GCLC: variants seen among roughly 807,000 people sequenced by gnomAD.
GCLC encodes glutamate-cysteine ligase catalytic subunit.
GCLC carries 30 observed loss-of-function variants against 81.5 expected under a neutral mutation model. The ratio of observed to expected loss-of-function variants is 0.37; its 90% CI spans 0.28 to 0.50. The LOEUF is 0.50. GCLC is among the 20% of genes least tolerant of loss of function. The pLI is 0.96. For synonymous variants in GCLC, 262 were observed against 273.3 expected (o/e 0.96, Z 0.41); for missense variants, 556 against 777.4 (o/e 0.72, Z 3.39).
At position 53,498,182 on chromosome 6, in the gene GCLC, G is replaced by C. The variant is rs1165803346; in HGVS notation, c.*574C>G. ...TATTTATTCAGAGGGGAAAGCTTGG[G>C]GCAAGGTGACCAAGTGATTATTCCA... On this transcript the variant is annotated 3_prime_UTR_variant, in exon 16 of 16. Transcript: ENST00000650454. The C allele has an allele frequency of 1.3e-5, 2 of 151,346 alleles. No homozygotes were observed. Among genetic ancestry groups the C allele is most frequent in the African/African-American group, 4.9e-5 (2 of 40,472 alleles). 9.4% of individuals were successfully genotyped at this position (151,346 alleles called of 1,614,324 possible).
In GCLC at chr6:53,500,482, C is replaced by A. The variant is rs765014293; in HGVS notation, c.1427G>T (p.Arg476Ile). 25 of 1,611,612 alleles carry A rather than the reference C, an allele frequency of 1.6e-5. No homozygotes were observed. The Admixed American group carries it at 4.0e-4, about 26-fold the overall frequency. The change falls in exon 13 of 16, where the codon AGA becomes ATA. Residue 476 changes from arginine (R) to isoleucine (I), a missense_variant. Transcript: ENST00000650454. ...AAACATTCCCTGCAAGACAGCATCT[C>A]TTTTCTGTGCTACCTTCATGTTCTC... is the stretch of plus-strand genomic sequence containing the variant. ...VDENMKVAQK[R>I]DAVLQGMFYF...
At chr6:53,527,842 A>T (rs973222469) in intron 1 of GCLC, among the ~76,000 whole-genome samples, 1 of 152,150 alleles carries the variant, frequency 6.6e-6, no homozygotes, top group Non-Finnish European at 1.5e-5. Context: ...CTCCCATAGG[A>T]TCCCGTCCCC....
chr6:53,540,705 A>ACAC (rs58342057), intron 1 of GCLC, among the ~76,000 whole-genome samples: 29 of 150,798 alleles, frequency 1.9e-4, no homozygotes, highest in African/African-American at 6.1e-4. Context: ...ACACACACAC[A>ACAC]AAAGTCCTGG....
Position 53,544,543 on chromosome 6 carries a change from G to A in GCLC, c.103C>T (p.His35Tyr). ...HGILQFLHIYHAVKDRHKDVL... is the reference protein window; with the variant it reads ...HGILQFLHIYYAVKDRHKDVL... ...TCCTTGTGCCGGTCCTTGACGGCGT[G>A]GTAGATGTGCAGGAACTGGAGGATC... The change falls in exon 1 of 16, where the codon CAC (histidine) becomes TAC (tyrosine). Residue 35 changes from histidine to tyrosine, a missense_variant. His to Tyr is a moderately conservative substitution (Grantham distance 83). Transcript: ENST00000650454. The A allele has an allele frequency of 1.2e-6, 2 of 1,608,910 alleles. No homozygotes were observed. The highest frequency in any genetic ancestry group is 1.1e-5 in the South Asian group (1 of 91,082).
chr6:53,528,572 A>T (rs1256218228), intron 1 of GCLC, among the ~76,000 whole-genome samples: 1 of 152,238 alleles, frequency 6.6e-6, no homozygotes, highest in East Asian at 1.9e-4. Context: ...AGCTGTATCA[A>T]ATTCTGCTAA....
chr6:53,524,892 T>C (rs753486801), intron 1 of GCLC, among the ~76,000 whole-genome samples: 2 of 152,166 alleles, frequency 1.3e-5, no homozygotes. Context: ...GTTTAAAACA[T>C]GGGTAGGGCA....
intron 1 of GCLC, among the ~76,000 whole-genome samples, chr6:53,526,234 C>G (rs1016386891): frequency 3.3e-5 from 5 of 152,110 alleles, no homozygotes; most frequent in Non-Finnish European, 2.9e-5. Context: ...CAGGTTTAAA[C>G]AAGGGTGAGG....
rs373903653 is a variant in GCLC at position 53,505,758 on chromosome 6, G to A, written c.1290+45C>T. The stretch of plus-strand genomic sequence containing the variant: ...ATCAGAAGGGTGATGAACAGCTGGC[G>A]AAAGAGTACTTTTGAGTCAGTTCTT... On this transcript the variant is annotated intron_variant, in intron 11 of 15. Coordinates refer to ENST00000650454, the MANE Select transcript of GCLC (RefSeq NM_001498.4). 45 of 1,113,404 alleles carry A rather than the reference G, an allele frequency of 4.0e-5. 1 individual carries two copies. The highest frequency in any genetic ancestry group is 3.5e-4 in the South Asian group (28 of 81,018). The allele number at this position is 1,113,404 out of a possible 1,614,324, so 69.0% of individuals were successfully genotyped here. A position where few individuals can be genotyped will look rare whatever the true frequency, so the allele number is the denominator to read the frequency against.
intron 12 of GCLC, among the ~76,000 whole-genome samples, chr6:53,504,609 C>T (rs1212866809): frequency 6.6e-6 from 1 of 152,112 alleles, no homozygotes; most frequent in African/African-American, 2.4e-5. Context: ...GAGGAGCAGG[C>T]AGGGATGGGC....
At chr6:53,533,450 C>T (rs993941128) in intron 1 of GCLC, among the ~76,000 whole-genome samples, 12 of 152,156 alleles carry the variant, frequency 7.9e-5, no homozygotes, top group Admixed American at 7.2e-4. Context: ...ATCATTCTTC[C>T]TACACACAGC....
At position 53,520,111 on chromosome 6, in the gene GCLC, A is replaced by G. The variant is rs138791893; in HGVS notation, c.446+667T>C. On this transcript the variant is annotated intron_variant, in intron 3 of 15. Transcript: ENST00000650454. ...TTTTGGCAGAAATGTATTTTTACAT[A>G]GAGGTTCTATGTATAATACATATGA... 3.6e-3 allele frequency among the ~76,000 whole-genome samples: 542 copies of G among 152,344 alleles called. 5 individuals carry two copies. The highest frequency in any genetic ancestry group is 0.013 in the African/African-American group (521 of 41,578).
At chr6:53,535,170 C>T (rs185982456) in intron 1 of GCLC, among the ~76,000 whole-genome samples, 1 of 152,192 alleles carries the variant, frequency 6.6e-6, no homozygotes, top group East Asian at 1.9e-4. Context: ...TTTGTTTGAG[C>T]CCAAGAGTTC....
At chr6:53,513,778 T>C (rs1764803709) in intron 6 of GCLC, 1 of 204,252 alleles carries the variant, frequency 4.9e-6, no homozygotes, top group African/African-American at 2.4e-5. Flanking sequence ...TAGACAGCTT[T>C]GCACAAATCC....
At position 53,517,249 on chromosome 6, in the gene GCLC, G is replaced by GTTTT. The variant is rs201960255; in HGVS notation, c.447-1031_447-1028dup. Among the ~76,000 whole-genome samples, 62 of 73,102 alleles carry GTTTT rather than the reference G, an allele frequency of 8.5e-4. 3 individuals carry two copies. Among genetic ancestry groups the GTTTT allele is most frequent in the Non-Finnish European group, 1.1e-3 (44 of 40,270 alleles). 48.0% of individuals were successfully genotyped at this position (73,102 alleles called of 152,430 possible). ...TTACAGGCATGAGTCACTGTACCAA[G>GTTTT]TTTTTTTTTTTTTTTTTTTTTTTTT... On this transcript the variant is annotated intron_variant, in intron 3 of 15. Coordinates refer to ENST00000650454, the MANE Select transcript of GCLC (RefSeq NM_001498.4).
At chr6:53,504,571 T>C (rs1764577134) in intron 12 of GCLC, among the ~76,000 whole-genome samples, 1 of 151,944 alleles carries the variant, frequency 6.6e-6, no homozygotes, top group Non-Finnish European at 1.5e-5. Context: ...GCCCACAGAG[T>C]TCTGTGGGTG....
At chr6:53,511,246 T>C (rs1031324680) in intron 6 of GCLC, among the ~76,000 whole-genome samples, 3 of 149,378 alleles carry the variant, frequency 2.0e-5, no homozygotes, top group Non-Finnish European at 4.5e-5. Flanking sequence ...AAAGGTATAG[T>C]GAGAAACCTG....
intron 1 of GCLC, among the ~76,000 whole-genome samples, chr6:53,531,748 T>G (rs775768655): frequency 3.9e-5 from 6 of 152,178 alleles, no homozygotes; most frequent in Non-Finnish European, 8.8e-5. Context: ...ACACTGTAAC[T>G]CCTTCCCCTT....
At chr6:53,534,131 G>A (rs1326019764) in intron 1 of GCLC, among the ~76,000 whole-genome samples, 1 of 152,182 alleles carries the variant, frequency 6.6e-6, no homozygotes, top group East Asian at 1.9e-4. Context: ...AACCCGGGGT[G>A]ACCCCAGGTC....
At position 53,501,377 on chromosome 6, in the gene GCLC, T is replaced by C. The variant is rs549058271; in HGVS notation, c.1396-864A>G. 2.0e-5 allele frequency: 3 copies of C among 152,426 alleles called. No individual in the cohort carries two copies. In the South Asian group the frequency reaches 6.2e-4, roughly 32 times the overall value. The allele number at this position is 152,426 out of a possible 1,614,324, so 9.4% of individuals were successfully genotyped here. ...CAAGGGCAGAAGATCACTGCTGTTT[T>C]ACCCATCTGGTGCCTCCGGACATGT... On this transcript the variant is annotated intron_variant, in intron 12 of 15. Coordinates refer to ENST00000650454, the MANE Select transcript of GCLC (RefSeq NM_001498.4).
Sources: gnomAD v4.1 joint callset for allele counts (sites outside exome capture counted in the v4.1 genomes callset) on GRCh38, gnomAD v4.1.1 for gene constraint, MANE v1.5 for transcripts, NCBI Gene and HGNC (gene_info 2026-07-23, HGNC 2026-07-21) for gene names.